PRKN: variants seen among roughly 807,000 people sequenced by gnomAD.
The protein encoded by PRKN is E3 ubiquitin-protein ligase parkin.
PRKN carries 56 observed loss-of-function variants against 59.5 expected under a neutral mutation model. The observed-to-expected ratio is 0.94, with a 90% CI of 0.76 to 1.18. The LOEUF (loss-of-function observed/expected upper bound fraction) is 1.18. Ranked by LOEUF, PRKN falls within the 50% of genes most tolerant of loss-of-function variation. The probability of loss-of-function intolerance (pLI) is 0.00; values close to 1 mark genes in which losing one functional copy is unlikely to be tolerated. For synonymous variants in PRKN, 250 were observed against 222.1 expected (o/e 1.13, Z -1.12); for missense variants, 657 against 596.4 (o/e 1.10, Z -1.06).
At chr6:161,605,631 C>G (rs977366632) in intron 7 of PRKN, among the ~76,000 whole-genome samples, 1 of 151,964 alleles carries the variant, frequency 6.6e-6, no homozygotes, top group Non-Finnish European at 1.5e-5. Context: ...CCTGCCTCAG[C>G]CTCCCAAGTA....
intron 6 of PRKN, among the ~76,000 whole-genome samples, chr6:161,893,923 T>G (rs969158278): frequency 2.0e-5 from 3 of 152,212 alleles, no homozygotes; most frequent in African/African-American, 7.2e-5. Flanking sequence ...GCCAAACATT[T>G]TGGCACACGA....
intron 2 of PRKN, among the ~76,000 whole-genome samples, chr6:162,368,702 A>C (rs574582170): frequency 2.3e-4 from 35 of 152,312 alleles, no homozygotes; most frequent in African/African-American, 7.7e-4. Flanking sequence ...GGCCAAAGCA[A>C]TACCTCAATG....
chr6:162,231,203 TC>T (rs1778407626), intron 3 of PRKN, among the ~76,000 whole-genome samples: 1 of 152,070 alleles, frequency 6.6e-6, no homozygotes, highest in African/African-American at 2.4e-5. Context: ...AGCTGAGAGA[TC>T]CTCCCTAATA....
intron 8 of PRKN, among the ~76,000 whole-genome samples, chr6:161,559,060 A>AAC (rs1005880908): frequency 2.2e-5 from 3 of 138,644 alleles, no homozygotes; most frequent in Non-Finnish European, 3.3e-5. Flanking sequence ...AAAAAAAAAA[A>AAC]AAAAAACCAG....
intron 7 of PRKN, among the ~76,000 whole-genome samples, chr6:161,691,888 G>T (rs1487500893): frequency 6.6e-6 from 1 of 152,040 alleles, no homozygotes; most frequent in Non-Finnish European, 1.5e-5. Context: ...CTGATTTTGG[G>T]GTTACAAATA....
At chr6:162,394,294 T>C (rs1446163318) in intron 2 of PRKN, among the ~76,000 whole-genome samples, 3 of 152,186 alleles carry the variant, frequency 2.0e-5, no homozygotes, top group Non-Finnish European at 4.4e-5. Flanking sequence ...AGCGTTCTGC[T>C]TTCCCTTAGA....
intron 6 of PRKN, among the ~76,000 whole-genome samples, chr6:161,829,511 T>C (rs1181010190): frequency 4.6e-5 from 7 of 152,196 alleles, no homozygotes; most frequent in African/African-American, 1.4e-4. Flanking sequence ...AAGCGGGTTA[T>C]GTCAGACTGA....
At chr6:161,927,107 A>T (rs1778997327) in intron 6 of PRKN, among the ~76,000 whole-genome samples, 1 of 152,202 alleles carries the variant, frequency 6.6e-6, no homozygotes, top group East Asian at 1.9e-4. Context: ...ATGAAAAAAA[A>T]ATACACATAC....
intron 9 of PRKN, among the ~76,000 whole-genome samples, chr6:161,543,005 C>T (rs186296062): frequency 7.9e-5 from 12 of 152,176 alleles, no homozygotes; most frequent in Admixed American, 7.2e-4. Context: ...TAACCATTTT[C>T]TTTTTTCCTT....
At chr6:161,732,562 A>T (rs1787766265) in intron 7 of PRKN, among the ~76,000 whole-genome samples, 1 of 152,110 alleles carries the variant, frequency 6.6e-6, no homozygotes, top group South Asian at 2.1e-4. Context: ...ATAAACAAAC[A>T]TTCAAGATGC....
chr6:162,475,171 C>CA (rs1396661546), intron 1 of PRKN, among the ~76,000 whole-genome samples: 1 of 151,908 alleles, frequency 6.6e-6, no homozygotes, highest in East Asian at 1.9e-4. Context: ...AAAAATTATT[C>CA]AAAAAAACAA....
intron 1 of PRKN, among the ~76,000 whole-genome samples, chr6:162,610,888 A>G (rs1466474740): frequency 6.6e-6 from 1 of 152,196 alleles, no homozygotes; most frequent in African/African-American, 2.4e-5. Flanking sequence ...ACATAGGTTC[A>G]ATGACAAAAA....
intron 9 of PRKN, among the ~76,000 whole-genome samples, chr6:161,427,794 G>A (rs914289277): frequency 2.0e-5 from 3 of 152,130 alleles, no homozygotes; most frequent in Non-Finnish European, 4.4e-5. Context: ...TACGCAATCA[G>A]GCTTTTGATG....
At chr6:162,478,550 G>A (rs1219822974) in intron 1 of PRKN, among the ~76,000 whole-genome samples, 1 of 152,186 alleles carries the variant, frequency 6.6e-6, no homozygotes, top group Non-Finnish European at 1.5e-5. Flanking sequence ...TAATAAGCAG[G>A]TGTCTGTGAC....
chr6:162,245,266 G>A (rs1779151205), intron 3 of PRKN, among the ~76,000 whole-genome samples: 1 of 152,018 alleles, frequency 6.6e-6, no homozygotes, highest in Non-Finnish European at 1.5e-5. Context: ...GTCCAGTGGA[G>A]CAGACAACCT....
intron 9 of PRKN, among the ~76,000 whole-genome samples, chr6:161,478,708 C>T (rs182067529): frequency 6.6e-6 from 1 of 152,186 alleles, no homozygotes; most frequent in African/African-American, 2.4e-5. Flanking sequence ...TTAGCCTAGC[C>T]TGCTGGCGGG....
At chr6:161,537,383 T>A (rs1779449225) in intron 9 of PRKN, among the ~76,000 whole-genome samples, 1 of 152,204 alleles carries the variant, frequency 6.6e-6, no homozygotes, top group Admixed American at 6.5e-5. Context: ...CTTCAGATAA[T>A]CAGGGCAAGT....
chr6:161,994,959 C>A lies in PRKN; in HGVS notation c.619-21542G>T, dbSNP rs575487664. 2.0e-5 allele frequency among the ~76,000 whole-genome samples: 3 copies of A among 150,880 alleles called. No individual in the cohort carries two copies. In the South Asian group the frequency reaches 6.3e-4, roughly 32 times the overall value. Reference sequence around the variant, plus strand: ...AAACAGTCCTAAAATATGTATGGAACCACAAAAGACCCTGAGTAGCCAAAG... The same window carrying A: ...AAACAGTCCTAAAATATGTATGGAAACACAAAAGACCCTGAGTAGCCAAAG... On this transcript the variant is annotated intron_variant, in intron 5 of 11. Transcript: ENST00000366898.
At chr6:162,595,547 C>A (rs775788939) in intron 1 of PRKN, among the ~76,000 whole-genome samples, 1 of 152,078 alleles carries the variant, frequency 6.6e-6, no homozygotes, top group Non-Finnish European at 1.5e-5. Flanking sequence ...TGAGCCACTG[C>A]GCCTGGCTTG....
Sources: allele counts gnomAD v4.1 joint callset (sites outside exome capture counted in the v4.1 genomes callset), GRCh38; gene constraint gnomAD v4.1.1; transcripts MANE v1.5; gene names NCBI Gene and HGNC (gene_info 2026-07-23, HGNC 2026-07-21).